The following GABBR2 variants were observed in gnomAD, a reference collection of about 807,000 sequenced individuals.
GABBR2 encodes gamma-aminobutyric acid type B receptor subunit 2.
A neutral mutation model predicts 105.6 loss-of-function variants in GABBR2; 23 were observed. The observed-to-expected ratio is 0.22, with a 90% confidence interval of 0.16 to 0.31. The LOEUF is 0.31. Among genes scored for constraint, GABBR2 ranks in the 10% least tolerant of loss-of-function variants. The probability of loss-of-function intolerance (pLI) is 1.00; values close to 1 mark genes in which losing one functional copy is unlikely to be tolerated. For synonymous variants in GABBR2, 478 were observed against 499.7 expected, an observed-to-expected ratio of 0.96 and a Z score of 0.58; for missense variants, 734 against 1,245.5, an observed-to-expected ratio of 0.59 and a Z score of 6.18.
intron 17 of GABBR2, among the ~76,000 whole-genome samples, chr9:98,297,158 T>TA: frequency 1.3e-5 from 2 of 152,302 alleles, no homozygotes; most frequent in African/African-American, 4.8e-5. Flanking sequence ...CCCACAAATT[T>TA]AAAATGCCCA....
chr9:98,350,980 A>G (rs1831389060), intron 13 of GABBR2, among the ~76,000 whole-genome samples: 1 of 152,098 alleles, frequency 6.6e-6, no homozygotes, highest in African/African-American at 2.4e-5. Context: ...CTTTATCATT[A>G]TGTCATGTTC....
intron 7 of GABBR2, among the ~76,000 whole-genome samples, chr9:98,409,139 G>A (rs1016736270): frequency 1.3e-5 from 2 of 152,230 alleles, no homozygotes; most frequent in African/African-American, 4.8e-5. Context: ...ACACAGTGAG[G>A]GAGGCAGGGT....
At chr9:98,437,498 C>T (rs1010787746) in intron 7 of GABBR2, among the ~76,000 whole-genome samples, 1 of 151,638 alleles carries the variant, frequency 6.6e-6, no homozygotes, top group African/African-American at 2.4e-5. Context: ...CATCCACCTA[C>T]CCACACATCC....
chr9:98,535,615 G>C (rs540005391), intron 3 of GABBR2, among the ~76,000 whole-genome samples: 16 of 152,208 alleles, frequency 1.1e-4, no homozygotes, highest in African/African-American at 3.6e-4. Flanking sequence ...AGTGACTTGA[G>C]GATTCTCAGA....
intron 7 of GABBR2, among the ~76,000 whole-genome samples, chr9:98,430,449 T>TAG (rs1424818592): frequency 2.6e-5 from 4 of 152,278 alleles, no homozygotes; most frequent in African/African-American, 9.6e-5. Context: ...TTCACCCCAC[T>TAG]CCTGAGATGA....
At chr9:98,347,948 T>C (rs543274327) in intron 13 of GABBR2, among the ~76,000 whole-genome samples, 88 of 152,230 alleles carry the variant, frequency 5.8e-4, no homozygotes, top group Non-Finnish European at 1.2e-3. Context: ...GGAGTCCCCC[T>C]GCGCAAGCTC....
chr9:98,414,464 C>T (rs150535448), intron 7 of GABBR2, among the ~76,000 whole-genome samples: 289 of 152,282 alleles, frequency 1.9e-3, no homozygotes, highest in African/African-American at 6.7e-3. Context: ...TGCAAGGCCA[C>T]GCAGAACCTT....
chr9:98,314,287 A>G (rs1168368931), intron 13 of GABBR2, among the ~76,000 whole-genome samples: 1 of 152,206 alleles, frequency 6.6e-6, no homozygotes, highest in East Asian at 1.9e-4. Context: ...AATTAAGGTG[A>G]CAGAACTGGC....
chr9:98,411,148 T>A (rs1159504314), intron 7 of GABBR2, among the ~76,000 whole-genome samples: 4 of 151,008 alleles, frequency 2.6e-5, no homozygotes, highest in Non-Finnish European at 5.9e-5. Context: ...CTTATAAGGA[T>A]TTTTTTTCCC....
chr9:98,452,553 G>A (rs1826250440), intron 7 of GABBR2, among the ~76,000 whole-genome samples: 1 of 152,192 alleles, frequency 6.6e-6, no homozygotes, highest in African/African-American at 2.4e-5. Flanking sequence ...ATGGCATAAG[G>A]ATATGGTGTA....
At chr9:98,541,748 C>T (rs1212088917) in intron 3 of GABBR2, 125 bp downstream of exon 3, 11 of 781,800 alleles carry the variant, frequency 1.4e-5, no homozygotes, top group South Asian at 1.9e-5. Flanking sequence ...CAGCTTTGAT[C>T]GCACTAACCA....
chr9:98,379,058 C>A (rs919996668), intron 11 of GABBR2, among the ~76,000 whole-genome samples: 7 of 152,142 alleles, frequency 4.6e-5, no homozygotes, highest in African/African-American at 1.7e-4. Context: ...TCAGAGGTCC[C>A]GTCTGTGTCA....
chr9:98,451,733 C>A (rs1455439933), intron 7 of GABBR2, among the ~76,000 whole-genome samples: 2 of 152,192 alleles, frequency 1.3e-5, no homozygotes, highest in Non-Finnish European at 2.9e-5. Context: ...AAAGGCCAGT[C>A]TCCTTAGCAT....
At chr9:98,425,951 T>C (rs1412882472) in intron 7 of GABBR2, among the ~76,000 whole-genome samples, 2 of 152,192 alleles carry the variant, frequency 1.3e-5, no homozygotes, top group African/African-American at 4.8e-5. Flanking sequence ...TTTTCACAAT[T>C]GTATTCCAAT....
chr9:98,553,150 C>T (rs1302241015), intron 2 of GABBR2, among the ~76,000 whole-genome samples: 2 of 152,010 alleles, frequency 1.3e-5, no homozygotes, highest in Non-Finnish European at 2.9e-5. Flanking sequence ...TCCAAAAGTG[C>T]TGGGATTATA....
intron 17 of GABBR2, 127 bp from the exon 18 acceptor site, chr9:98,294,029 T>G (rs1261888948): frequency 8.5e-6 from 6 of 705,326 alleles, no homozygotes; most frequent in Non-Finnish European, 1.5e-5. Context: ...CCCTCTGTGT[T>G]CTCTAAGCTG....
chr9:98,674,084 C>G (rs1021372474), intron 1 of GABBR2, among the ~76,000 whole-genome samples: 3 of 152,130 alleles, frequency 2.0e-5, no homozygotes, highest in African/African-American at 7.2e-5. Flanking sequence ...ATTTCTGTCT[C>G]CATCATCATC....
At chr9:98,639,046 T>C (rs916494502) in intron 1 of GABBR2, among the ~76,000 whole-genome samples, 3 of 152,232 alleles carry the variant, frequency 2.0e-5, no homozygotes, top group Non-Finnish European at 2.9e-5. Context: ...CATCTCATTA[T>C]TGGGCCACAA....
chr9:98,373,823 A>T (rs1831826279), intron 11 of GABBR2, among the ~76,000 whole-genome samples: 1 of 141,584 alleles, frequency 7.1e-6, no homozygotes, highest in Non-Finnish European at 1.5e-5. Flanking sequence ...TTTTGAGGAG[A>T]TGTGTCACTC....
Sources: allele counts gnomAD v4.1 joint callset (sites outside exome capture counted in the v4.1 genomes callset), GRCh38; gene constraint gnomAD v4.1.1; transcripts MANE v1.5; gene names NCBI Gene and HGNC (gene_info 2026-07-23, HGNC 2026-07-21).